DIP2C: variants seen among roughly 807,000 people sequenced by gnomAD.
The protein encoded by DIP2C is DIP2 acetate--CoA ligase C (putative).
In DIP2C, 33 loss-of-function variants were observed where a neutral mutation model predicts 192.4. The ratio of observed to expected loss-of-function variants is 0.17; its 90% CI spans 0.13 to 0.23. The LOEUF is 0.23. DIP2C is among the 10% of genes least tolerant of loss of function. DIP2C has a pLI of 1.00. For synonymous variants in DIP2C, 979 were observed against 864.1 expected, an observed-to-expected ratio of 1.13 and a Z score of -2.33; for missense variants, 1,537 against 2,110.1, an observed-to-expected ratio of 0.73 and a Z score of 5.32.
chr10:510,144 AACTG>A (rs1184524325), intron 1 of DIP2C, among the ~76,000 whole-genome samples: 1 of 152,218 alleles, frequency 6.6e-6, no homozygotes, highest in Non-Finnish European at 1.5e-5. Context: ...TGACCACTGA[AACTG>A]ACTGAGTCCC....
intron 1 of DIP2C, among the ~76,000 whole-genome samples, chr10:638,212 T>A (rs1854943028): frequency 6.6e-6 from 1 of 152,220 alleles, no homozygotes; most frequent in African/African-American, 2.4e-5. Flanking sequence ...CTAAATGCAA[T>A]GTTATTTCAG....
intron 1 of DIP2C, among the ~76,000 whole-genome samples, chr10:567,976 G>T (rs576702605): frequency 6.6e-6 from 1 of 151,908 alleles, no homozygotes; most frequent in South Asian, 2.1e-4. Context: ...TCCCATCCCA[G>T]GACATCCACG....
chr10:522,400 G>A lies in DIP2C; in HGVS notation c.86-35870C>T, dbSNP rs151305535. ...TGTCAACATCTGTGTGCAGATTTCC[G>A]CATGGAAGTAAACTTCAGCTCCTGA... is the stretch of plus-strand genomic sequence containing the variant. On this transcript the variant is annotated intron_variant, in intron 1 of 36. Transcript: ENST00000280886. Among the ~76,000 whole-genome samples, 333 of 152,336 alleles carry A rather than the reference G, an allele frequency of 2.2e-3. 1 individual carries two copies. The highest frequency in any genetic ancestry group is 7.5e-3 in the African/African-American group (312 of 41,588).
intron 1 of DIP2C, among the ~76,000 whole-genome samples, chr10:660,300 T>G (rs557804855): frequency 6.6e-6 from 1 of 151,312 alleles, no homozygotes; most frequent in Middle Eastern, 3.2e-3. Flanking sequence ...AAACAGAGAT[T>G]CTAGCCCTTG....
chr10:309,968 A>G, intron 32 of DIP2C, 63 bp downstream of exon 32: 1 of 1,517,352 alleles, frequency 6.6e-7, no homozygotes, highest in African/African-American at 1.4e-5. Context: ...GGAGACCTGC[A>G]TGCAAGGCCG....
intron 1 of DIP2C, among the ~76,000 whole-genome samples, chr10:683,465 C>G (rs1210606017): frequency 6.6e-6 from 1 of 152,158 alleles, no homozygotes; most frequent in Admixed American, 6.5e-5. Context: ...AAGATTAAAG[C>G]CCTGGAGGTG....
chr10:407,084 A>C (rs1254908084), intron 9 of DIP2C, among the ~76,000 whole-genome samples: 3 of 152,232 alleles, frequency 2.0e-5, no homozygotes, highest in Non-Finnish European at 2.9e-5. Flanking sequence ...GATTTGAGAA[A>C]TAATAGAACT....
intron 13 of DIP2C, among the ~76,000 whole-genome samples, chr10:389,422 T>C (rs1161217506): frequency 2.0e-5 from 3 of 152,084 alleles, no homozygotes; most frequent in Non-Finnish European, 4.4e-5. Context: ...TTGCCTCCCA[T>C]ACCAGCCCAC....
At chr10:491,696 TCAAA>T (rs2133588576) in intron 1 of DIP2C, among the ~76,000 whole-genome samples, 1 of 152,278 alleles carries the variant, frequency 6.6e-6, no homozygotes, top group South Asian at 2.1e-4. Flanking sequence ...GATGGAGAGA[TCAAA>T]CACACAGGAT....
chr10:401,691 TCTTC>T (rs1450784344), intron 9 of DIP2C, among the ~76,000 whole-genome samples: 1 of 148,974 alleles, frequency 6.7e-6, no homozygotes, highest in Admixed American at 6.7e-5. Flanking sequence ...TTAGCATTAC[TCTTC>T]CTTATGGACA....
chr10:469,513 C>T (rs1187014876), intron 3 of DIP2C, among the ~76,000 whole-genome samples: 2 of 152,022 alleles, frequency 1.3e-5, no homozygotes, highest in African/African-American at 4.8e-5. Flanking sequence ...GATGGGGTTT[C>T]GCCATGTTGG....
chr10:355,628 CTTGT>C (rs1278967805), intron 24 of DIP2C, among the ~76,000 whole-genome samples: 3 of 152,262 alleles, frequency 2.0e-5, no homozygotes, highest in East Asian at 1.9e-4. Context: ...ATAGTATTAG[CTTGT>C]TTATTTAATG....
At chr10:530,237 A>G (rs1847284878) in intron 1 of DIP2C, among the ~76,000 whole-genome samples, 1 of 152,358 alleles carries the variant, frequency 6.6e-6, no homozygotes, top group African/African-American at 2.4e-5. Context: ...TTTCCCAGAT[A>G]TTAAGCAGAG....
At chr10:311,643 C>T in intron 31 of DIP2C, 1 of 1,167,604 alleles carries the variant, frequency 8.6e-7, no homozygotes, top group Admixed American at 4.2e-5. Context: ...ACAACACACA[C>T]AGACACATAC....
Position 345,108 on chromosome 10 carries a change from C to T in DIP2C, c.3234G>A (p.Val1078=), listed in dbSNP as rs1234636165. 1.9e-6 allele frequency: 3 copies of T among 1,610,576 alleles called. No homozygotes were observed. Among genetic ancestry groups the T allele is most frequent in the Non-Finnish European group, 2.5e-6 (3 of 1,179,434 alleles). The change falls in exon 27 of 37, where the codon GTG becomes GTA. Residue 1078 remains valine, a splice_region_variant and synonymous_variant. Transcript: ENST00000280886. ...TLPTVKMIVE[V]SRSACLMTTQ... ...TCGTCATCAGACAGGCAGAGCGACTCACCTGGCATCAGAGAGCGAGAATGG... is the reference window on the plus strand; with the variant it reads ...TCGTCATCAGACAGGCAGAGCGACTTACCTGGCATCAGAGAGCGAGAATGG...
intron 1 of DIP2C, among the ~76,000 whole-genome samples, chr10:487,153 T>C (rs889092572): frequency 2.6e-5 from 4 of 152,192 alleles, no homozygotes; most frequent in African/African-American, 9.7e-5. Context: ...ATGCCTTTCC[T>C]GGAGCCAGCG....
At chr10:387,423 T>C (rs570748414) in intron 14 of DIP2C, among the ~76,000 whole-genome samples, 1 of 152,204 alleles carries the variant, frequency 6.6e-6, no homozygotes, top group East Asian at 1.9e-4. Context: ...TTTGTATTCC[T>C]ACACCCAGCA....
intron 1 of DIP2C, among the ~76,000 whole-genome samples, chr10:661,075 A>T (rs1052768582): frequency 6.6e-6 from 1 of 152,240 alleles, no homozygotes; most frequent in Non-Finnish European, 1.5e-5. Context: ...TCAACAAAAG[A>T]CACACTAGAA....
At chr10:685,187 C>CATATAT (rs1206918396) in intron 1 of DIP2C, among the ~76,000 whole-genome samples, 7 of 22,320 alleles carry the variant, frequency 3.1e-4, no homozygotes, top group African/African-American at 6.8e-4. Context: ...TATATATATA[C>CATATAT]ATATATATAT....
Sources: allele counts gnomAD v4.1 joint callset (sites outside exome capture counted in the v4.1 genomes callset), GRCh38; gene constraint gnomAD v4.1.1; transcripts MANE v1.5; gene names NCBI Gene and HGNC (gene_info 2026-07-23, HGNC 2026-07-21).